Variants in RCL1 observed in about 807,000 individuals in gnomAD.
RCL1 encodes RNA terminal phosphate cyclase like 1, also known as RNA 3'-terminal phosphate cyclase-like protein.
RCL1 carries 24 observed loss-of-function variants against 42.4 expected under a neutral mutation model. That is an observed-to-expected ratio of 0.57 (90% CI 0.41 to 0.80). RCL1 has a LOEUF of 0.80. RCL1 is among the 30% of genes least tolerant of loss of function. The pLI is 0.00. For synonymous variants in RCL1, 228 were observed against 177.3 expected (o/e 1.29, Z -2.27); for missense variants, 578 against 467.9 (o/e 1.24, Z -2.17).
intron 1 of RCL1, among the ~76,000 whole-genome samples, chr9:4,822,653 A>G (rs1435075849): frequency 6.6e-6 from 1 of 152,054 alleles, no homozygotes; most frequent in Admixed American, 6.6e-5. Flanking sequence ...CCCTATCTCT[A>G]CAAAAATAAA....
At chr9:4,793,459 G>C (rs1272331000) in intron 1 of RCL1, among the ~76,000 whole-genome samples, 5 of 152,260 alleles carry the variant, frequency 3.3e-5, no homozygotes, top group Admixed American at 1.3e-4. Flanking sequence ...TCTCCGGGGC[G>C]CTGGTAGTAA....
intron 1 of RCL1, among the ~76,000 whole-genome samples, chr9:4,799,919 A>T (rs1436625531): frequency 1.3e-5 from 2 of 152,068 alleles, no homozygotes; most frequent in Admixed American, 1.3e-4. Context: ...CTATCATCAA[A>T]AGTTGATATG....
chr9:4,839,408 T>G (rs892676582), intron 5 of RCL1: 1 of 152,270 alleles, frequency 6.6e-6, no homozygotes, highest in African/African-American at 2.4e-5. Context: ...AACACAGGGT[T>G]ACTGTGAGCA....
intron 8 of RCL1, 87 bp from the exon 9 acceptor site, chr9:4,860,038 T>G: frequency 5.3e-6 from 5 of 939,684 alleles, no homozygotes; most frequent in Non-Finnish European, 7.6e-6. Flanking sequence ...GTCTGGGAGA[T>G]TAAAACCTTG....
chr9:4,819,665 G>T (rs966879868), intron 1 of RCL1, among the ~76,000 whole-genome samples: 4 of 152,036 alleles, frequency 2.6e-5, no homozygotes, highest in African/African-American at 9.7e-5. Flanking sequence ...AAATTAGCTG[G>T]GCGTGGTGGC....
intron 6 of RCL1, among the ~76,000 whole-genome samples, chr9:4,844,009 A>G (rs541842824): frequency 6.6e-6 from 1 of 152,300 alleles, no homozygotes; most frequent in East Asian, 1.9e-4. Flanking sequence ...CTGCATAGAC[A>G]AGCAAATTTT....
At chr9:4,848,355 T>C (rs1238175959) in intron 7 of RCL1, among the ~76,000 whole-genome samples, 1 of 152,230 alleles carries the variant, frequency 6.6e-6, no homozygotes, top group Non-Finnish European at 1.5e-5. Context: ...TCCTTCACCA[T>C]TATTAGGGCT....
At chr9:4,809,058 C>A (rs1318729420) in intron 1 of RCL1, among the ~76,000 whole-genome samples, 2 of 151,734 alleles carry the variant, frequency 1.3e-5, no homozygotes, top group East Asian at 3.9e-4. Flanking sequence ...TTTTTTAAAG[C>A]ACAAGAATAT....
intron 4 of RCL1, 145 bp from the exon 5 acceptor site, chr9:4,833,996 G>C (rs1480545478): frequency 4.8e-6 from 4 of 837,844 alleles, no homozygotes; most frequent in African/African-American, 1.7e-5. Flanking sequence ...AGGTGCTGTT[G>C]GTCTTGAAGG....
chr9:4,817,658 G>A (rs1460464209), intron 1 of RCL1, among the ~76,000 whole-genome samples: 4 of 151,476 alleles, frequency 2.6e-5, no homozygotes, highest in African/African-American at 9.7e-5. Context: ...CACCATGCCT[G>A]GCTAATTTTT....
chr9:4,842,879 G>A (rs1447752533), intron 6 of RCL1, among the ~76,000 whole-genome samples: 1 of 152,192 alleles, frequency 6.6e-6, no homozygotes, highest in Non-Finnish European at 1.5e-5. Context: ...ATCAGAAAGT[G>A]TCCTGGCATG....
At chr9:4,799,935 C>T (rs1842971144) in intron 1 of RCL1, among the ~76,000 whole-genome samples, 1 of 152,096 alleles carries the variant, frequency 6.6e-6, no homozygotes, top group African/African-American at 2.4e-5. Flanking sequence ...ATATGGCAGA[C>T]GTTCATATGG....
intron 5 of RCL1, among the ~76,000 whole-genome samples, chr9:4,840,734 T>A (rs1024759449): frequency 1.3e-5 from 2 of 152,198 alleles, no homozygotes; most frequent in African/African-American, 4.8e-5. Context: ...TTTTTCTGCT[T>A]CTCCCATCAG....
chr9:4,796,051 C>T (rs1004892483), intron 1 of RCL1, among the ~76,000 whole-genome samples: 4 of 152,038 alleles, frequency 2.6e-5, no homozygotes, highest in African/African-American at 9.7e-5. Flanking sequence ...ATGGTGGCTG[C>T]GGAAATCATT....
intron 2 of RCL1, among the ~76,000 whole-genome samples, 194 bp downstream of exon 2, chr9:4,823,813 TG>T (rs1405545852): frequency 1.3e-5 from 2 of 152,134 alleles, no homozygotes; most frequent in African/African-American, 2.4e-5. Flanking sequence ...ATTAGAATTT[TG>T]GGGGGACTTA....
At chr9:4,854,792 C>G (rs1416814394) in intron 8 of RCL1, among the ~76,000 whole-genome samples, 1 of 152,140 alleles carries the variant, frequency 6.6e-6, no homozygotes, top group Admixed American at 6.5e-5. Context: ...TGCGGTGGCT[C>G]ACACCTGTAA....
At chr9:4,833,285 C>T (rs186805431) in intron 4 of RCL1, 57 bp downstream of exon 4, 1 of 1,306,050 alleles carries the variant, frequency 7.7e-7, no homozygotes, top group East Asian at 2.3e-5. Context: ...TTCCCACTGA[C>T]TCATTGGAAG....
chr9:4,854,241 G>C (rs1817856080), intron 8 of RCL1, among the ~76,000 whole-genome samples: 1 of 152,120 alleles, frequency 6.6e-6, no homozygotes, highest in Non-Finnish European at 1.5e-5. Flanking sequence ...CTAGTTCTCT[G>C]TTTCCTGCTG....
intron 8 of RCL1, among the ~76,000 whole-genome samples, chr9:4,858,746 C>G (rs539888655): frequency 9.9e-6 from 1 of 100,736 alleles, no homozygotes; most frequent in Non-Finnish European, 2.2e-5. Context: ...CATGTGCAGT[C>G]GAGATTGAGA....
Sources: gnomAD v4.1 joint callset for allele counts (sites outside exome capture counted in the v4.1 genomes callset) on GRCh38, gnomAD v4.1.1 for gene constraint, MANE v1.5 for transcripts, NCBI Gene and HGNC (gene_info 2026-07-23, HGNC 2026-07-21) for gene names.